Variants in PAX2 observed in about 807,000 individuals in gnomAD.
The protein encoded by PAX2 is paired box 2, also known as paired box protein Pax-2.
In PAX2, 9 loss-of-function variants were observed where a neutral mutation model predicts 41.7. The observed-to-expected ratio is 0.22, with a 90% CI of 0.13 to 0.38. The LOEUF (loss-of-function observed/expected upper bound fraction) is 0.38, where lower values mean the gene tolerates loss of function less well. PAX2 is among the 10% of genes least tolerant of loss of function. The pLI, the probability that PAX2 is intolerant of heterozygous loss-of-function variation, is 1.00. For synonymous variants in PAX2, 221 were observed against 212.7 expected, an observed-to-expected ratio of 1.04 and a Z score of -0.34; for missense variants, 418 against 531.6, an observed-to-expected ratio of 0.79 and a Z score of 2.10.
chr10:100,826,498 G>C lies in PAX2; in HGVS notation c.1022-511G>C, dbSNP rs534549962. ...CCTCTTGAGGGAAAGGCGGGAGGGC[G>C]GTGTCTCCCAAAAGAGCTCCCACCT... On this transcript the variant is annotated intron_variant, in intron 8 of 9. Coordinates refer to ENST00000355243, the MANE Select transcript of PAX2 (RefSeq NM_000278.5). The surrounding 1 kb of genome is among the most constrained non-coding windows in gnomAD (Gnocchi z 5.5). 7.9e-5 allele frequency among the ~76,000 whole-genome samples: 12 copies of C among 152,208 alleles called. No homozygotes were observed. In the East Asian group the frequency reaches 2.3e-3, roughly 29 times the overall value.
chr10:100,778,504 A>G (rs949750774), intron 3 of PAX2, among the ~76,000 whole-genome samples: 2 of 152,090 alleles, frequency 1.3e-5, no homozygotes, highest in East Asian at 3.9e-4. Flanking sequence ...TGACTTGCTC[A>G]TGGCTTGTGA....
rs993569739 is a variant in PAX2, at chr10:100,827,803, G to A, written c.*184G>A. The A allele has an allele frequency of 3.4e-6, 3 of 882,646 alleles. No homozygotes were observed. Among genetic ancestry groups the A allele is most frequent in the Non-Finnish European group, 5.3e-6 (3 of 569,106 alleles). 54.7% of individuals were successfully genotyped at this position (882,646 alleles called of 1,614,324 possible). ...ATCACCCCCCTCGAAGGTCGGACAGGACGGGTGGAGCCGTGGGCGGGACCC... is the reference window on the plus strand; with the variant it reads ...ATCACCCCCCTCGAAGGTCGGACAGAACGGGTGGAGCCGTGGGCGGGACCC... On this transcript the variant is annotated 3_prime_UTR_variant, in exon 10 of 10. Coordinates refer to ENST00000355243, the MANE Select transcript of PAX2 (RefSeq NM_000278.5). The surrounding 1 kb of genome is among the most constrained non-coding windows in gnomAD (Gnocchi z 8.5).
At position 100,826,728 on chromosome 10, in the gene PAX2, C is replaced by T. The variant is rs1848579607; in HGVS notation, c.1022-281C>T. Among the ~76,000 whole-genome samples, 4 of 152,202 alleles carry T rather than the reference C, an allele frequency of 2.6e-5. No homozygotes were observed. On this transcript the variant is annotated intron_variant, in intron 8 of 9. Coordinates refer to ENST00000355243, the MANE Select transcript of PAX2 (RefSeq NM_000278.5). This position sits in a 1 kb window ranked among gnomAD's most constrained non-coding sequence, Gnocchi z 5.5. ...CCAATACAAACCCTTCGTGGGTGGC[C>T]GCGAGCGCCTCCGCTGGGAAGCCCT... is the stretch of plus-strand genomic sequence containing the variant.
intron 3 of PAX2, among the ~76,000 whole-genome samples, chr10:100,767,714 G>C (rs1176283669): frequency 6.6e-6 from 1 of 152,158 alleles, no homozygotes; most frequent in South Asian, 2.1e-4. Context: ...TTATTCAATA[G>C]CAGGAACATG....
At chr10:100,761,005 C>G (rs1845821306) in intron 3 of PAX2, among the ~76,000 whole-genome samples, 1 of 152,088 alleles carries the variant, frequency 6.6e-6, no homozygotes. Flanking sequence ...CGGGTTCCTA[C>G]CCATTTGCAA....
intron 3 of PAX2, among the ~76,000 whole-genome samples, chr10:100,761,686 A>G (rs1427547736): frequency 6.6e-6 from 1 of 152,184 alleles, no homozygotes. Context: ...TAAAATGCAA[A>G]TACAATGAGA....
chr10:100,745,092 C>T (rs1207322408), upstream of PAX2, among the ~76,000 whole-genome samples: 1 of 152,108 alleles, frequency 6.6e-6, no homozygotes, highest in East Asian at 1.9e-4. Context: ...GGCCCGGGGC[C>T]GCGCGGCCCA....
At chr10:100,752,766 G>A (rs1033163980) in intron 3 of PAX2, among the ~76,000 whole-genome samples, 1 of 152,154 alleles carries the variant, frequency 6.6e-6, no homozygotes. Context: ...AACACCCCCT[G>A]CCCCTCCCCT....
intron 5 of PAX2, among the ~76,000 whole-genome samples, chr10:100,787,701 G>A (rs541606915): frequency 3.4e-4 from 52 of 152,220 alleles, no homozygotes; most frequent in African/African-American, 1.3e-3. Context: ...AGAGAGGGTT[G>A]CAGCATCGTC....
At chr10:100,756,209 C>T (rs1242781479) in intron 3 of PAX2, among the ~76,000 whole-genome samples, 1 of 152,134 alleles carries the variant, frequency 6.6e-6, no homozygotes, top group African/African-American at 2.4e-5. Context: ...AAAGGGGGTT[C>T]CTATGAGCCC....
In PAX2 at chr10:100,822,064, A is replaced by T. The variant is rs149573394; in HGVS notation, c.920-2584A>T. 4.9e-3 allele frequency among the ~76,000 whole-genome samples: 753 copies of T among 152,278 alleles called. 5 individuals carry two copies. The highest frequency in any genetic ancestry group is 0.017 in the African/African-American group (716 of 41,538). ...ACAGTCAGGAGGAGTGTAGCTTTCA[A>T]TGACAACAGAAGTCAATAAAAGAAA... On this transcript the variant is annotated intron_variant, in intron 7 of 9. Transcript: ENST00000355243.
At chr10:100,823,921 G>A (rs1848452640) in intron 7 of PAX2, among the ~76,000 whole-genome samples, 1 of 152,194 alleles carries the variant, frequency 6.6e-6, no homozygotes, top group Non-Finnish European at 1.5e-5. Flanking sequence ...AGGGACAGAA[G>A]TCCAGCAGCT....
chr10:100,823,177 G>T (rs990462944), intron 7 of PAX2, among the ~76,000 whole-genome samples: 10 of 152,214 alleles, frequency 6.6e-5, no homozygotes, highest in African/African-American at 2.4e-4. Flanking sequence ...GCTATGTCAA[G>T]AAGGACTCCA....
upstream of PAX2, among the ~76,000 whole-genome samples, chr10:100,743,301 T>A (rs1213631492): frequency 6.6e-6 from 1 of 152,228 alleles, no homozygotes; most frequent in Non-Finnish European, 1.5e-5. Flanking sequence ...TCCCCTTCTC[T>A]ACAAAATGGA....
At chr10:100,814,791 T>C (rs941628737) in intron 7 of PAX2, among the ~76,000 whole-genome samples, 4 of 152,232 alleles carry the variant, frequency 2.6e-5, no homozygotes, top group African/African-American at 9.6e-5. Flanking sequence ...TGCTGAAGAC[T>C]GCAGTTTTGA....
At position 100,746,199 on chromosome 10, in the gene PAX2, A is replaced by T; in HGVS notation, c.-62A>T. 6.2e-7 allele frequency: 1 copy of T among 1,612,934 alleles called. No individual in the cohort carries two copies. Among genetic ancestry groups the T allele is most frequent in the South Asian group, 1.1e-5 (1 of 91,048 alleles). On this transcript the variant is annotated 5_prime_UTR_variant, in exon 1 of 10. The change creates a new upstream start codon in the 5' untranslated region. Coordinates refer to ENST00000355243, the MANE Select transcript of PAX2 (RefSeq NM_000278.5). ...CCTCCCTTTTCTCCTCAAGTCCTGA[A>T]GTTGAGTTTGAGAGGCGACACGGCG...
At chr10:100,754,045 C>T (rs1278709238) in intron 3 of PAX2, among the ~76,000 whole-genome samples, 4 of 152,152 alleles carry the variant, frequency 2.6e-5, no homozygotes, top group South Asian at 2.1e-4. Flanking sequence ...GGTTTGTACA[C>T]CGCTGCTGTA....
At chr10:100,768,312 G>A (rs1846091896) in intron 3 of PAX2, among the ~76,000 whole-genome samples, 1 of 152,178 alleles carries the variant, frequency 6.6e-6, no homozygotes, top group African/African-American at 2.4e-5. Context: ...CCTCAAAACA[G>A]AAATTGAGAA....
intron 3 of PAX2, among the ~76,000 whole-genome samples, chr10:100,757,738 AC>A (rs1845685265): frequency 3.9e-5 from 6 of 152,220 alleles, no homozygotes; most frequent in Non-Finnish European, 8.8e-5. Context: ...GAAGAGGCTT[AC>A]TGTTTGTGAG....
Sources: gnomAD v4.1 joint callset for allele counts (sites outside exome capture counted in the v4.1 genomes callset) on GRCh38, gnomAD v4.1.1 for gene constraint, Gnocchi (gnomAD v3.1) non-coding constraint, MANE v1.5 for transcripts, NCBI Gene and HGNC (gene_info 2026-07-23, HGNC 2026-07-21) for gene names.